GRIN2A: variants seen among roughly 807,000 people sequenced by gnomAD.
GRIN2A encodes glutamate ionotropic receptor NMDA type subunit 2A.
A neutral mutation model predicts 113.4 loss-of-function variants in GRIN2A; 22 were observed. The ratio of observed to expected loss-of-function variants is 0.19; its 90% CI spans 0.14 to 0.28. The LOEUF is 0.28. Ranked by LOEUF, GRIN2A falls within the 10% of genes least tolerant of loss-of-function variation. The probability of loss-of-function intolerance (pLI) is 1.00; values close to 1 mark genes in which losing one functional copy is unlikely to be tolerated. For synonymous variants in GRIN2A, 827 were observed against 738.4 expected, an observed-to-expected ratio of 1.12 and a Z score of -1.94; for missense variants, 1,502 against 1,887.0, an observed-to-expected ratio of 0.80 and a Z score of 3.78.
intron 2 of GRIN2A, among the ~76,000 whole-genome samples, chr16:10,016,720 A>T (rs1454383091): frequency 6.6e-6 from 1 of 152,190 alleles, no homozygotes; most frequent in South Asian, 2.1e-4. Flanking sequence ...GCTTCTCCAC[A>T]TTAGGGCAAA....
chr16:9,965,988 T>G (rs752592988), intron 2 of GRIN2A, among the ~76,000 whole-genome samples: 4 of 152,228 alleles, frequency 2.6e-5, no homozygotes, highest in Non-Finnish European at 5.9e-5. Flanking sequence ...ATCAAAATAA[T>G]CTTGGGATCT....
intron 2 of GRIN2A, among the ~76,000 whole-genome samples, chr16:10,130,111 G>C (rs774806340): frequency 1.3e-5 from 2 of 152,178 alleles, no homozygotes; most frequent in African/African-American, 2.4e-5. Context: ...TAGGTATGGG[G>C]ACATGCTAAA....
chr16:10,047,313 A>C (rs903736908), intron 2 of GRIN2A, among the ~76,000 whole-genome samples: 12 of 152,178 alleles, frequency 7.9e-5, no homozygotes, highest in African/African-American at 2.4e-4. Context: ...TCTCGATCTC[A>C]GTTTCTTCAT....
intron 11 of GRIN2A, among the ~76,000 whole-genome samples, chr16:9,776,252 T>C (rs1341961339): frequency 6.6e-6 from 1 of 151,340 alleles, no homozygotes; most frequent in East Asian, 2.0e-4. Flanking sequence ...TATGACGCCA[T>C]GGTTTCCTCT....
intron 9 of GRIN2A, among the ~76,000 whole-genome samples, chr16:9,825,229 C>T (rs1212081006): frequency 2.0e-5 from 3 of 152,170 alleles, no homozygotes; most frequent in Non-Finnish European, 2.9e-5. Context: ...ACCAGTTAAG[C>T]TCCTGAGCCT....
chr16:9,769,193 A>G (rs1217221123), intron 11 of GRIN2A, 104 bp from the exon 12 acceptor site: 6 of 880,306 alleles, frequency 6.8e-6, no homozygotes, highest in Non-Finnish European at 1.1e-5. Context: ...CAGCTATGTA[A>G]CCTTAAGACA....
intron 4 of GRIN2A, among the ~76,000 whole-genome samples, chr16:9,880,466 G>A (rs534315210): frequency 1.3e-5 from 2 of 152,338 alleles, no homozygotes; most frequent in Middle Eastern, 3.4e-3. Context: ...AAGGGGTCAT[G>A]TGATTGGGTG....
At chr16:9,978,462 T>TCTC (rs1447118175) in intron 2 of GRIN2A, among the ~76,000 whole-genome samples, 2 of 152,078 alleles carry the variant, frequency 1.3e-5, no homozygotes, top group Non-Finnish European at 2.9e-5. Flanking sequence ...CCTTAGTCCT[T>TCTC]CTCCTCCTCC....
chr16:9,795,073 G>C (rs1363723596), intron 11 of GRIN2A, among the ~76,000 whole-genome samples: 3 of 152,120 alleles, frequency 2.0e-5, no homozygotes, highest in African/African-American at 7.2e-5. Context: ...AATGATATCA[G>C]AGGCGTGTGA....
intron 2 of GRIN2A, among the ~76,000 whole-genome samples, chr16:10,110,285 G>A (rs1319606944): frequency 6.6e-6 from 1 of 152,238 alleles, no homozygotes; most frequent in Non-Finnish European, 1.5e-5. Context: ...CATTTAACGA[G>A]TTAGGGGAAC....
intron 1 of GRIN2A, among the ~76,000 whole-genome samples, chr16:10,181,296 G>T (rs1488023386): frequency 6.6e-6 from 1 of 152,210 alleles, no homozygotes; most frequent in Non-Finnish European, 1.5e-5. Flanking sequence ...GCGTCCCCCC[G>T]CGGGCCAGCG....
intron 11 of GRIN2A, among the ~76,000 whole-genome samples, chr16:9,795,397 G>A (rs1285997815): frequency 6.6e-6 from 1 of 152,176 alleles, no homozygotes; most frequent in East Asian, 1.9e-4. Context: ...AAAAAGGGAG[G>A]CATGAATAAT....
At chr16:9,976,806 C>T (rs2045782343) in intron 2 of GRIN2A, among the ~76,000 whole-genome samples, 1 of 152,206 alleles carries the variant, frequency 6.6e-6, no homozygotes, top group Non-Finnish European at 1.5e-5. Context: ...ATATATCCCT[C>T]CGAGGGAAGC....
At chr16:9,767,191 C>T (rs1900969162) in intron 12 of GRIN2A, among the ~76,000 whole-genome samples, 1 of 152,154 alleles carries the variant, frequency 6.6e-6, no homozygotes, top group South Asian at 2.1e-4. Context: ...GTTTAGATGC[C>T]ATCAAGCTAA....
At position 9,764,307 on chromosome 16, in the gene GRIN2A, G is replaced by T; in HGVS notation, c.3237C>A (p.Asn1079Lys). Residue 1079 changes from asparagine to lysine, a missense_variant, in exon 13 of 13, where the codon AAC becomes AAA. Around this residue, in one of 7 missense-constraint regions of GRIN2A, gnomAD observed 832 missense variants for 789.7 expected, o/e 1.05. Transcript: ENST00000330684. ...TTTTAAAGTTGTCCTTGGTTTTGTGGTTCTTACTGTTGTCAGGTTCCCTGT... is the reference window on the plus strand; with the variant it reads ...TTTTAAAGTTGTCCTTGGTTTTGTGTTTCTTACTGTTGTCAGGTTCCCTGT... Reference protein sequence around the residue: ...TCHREPDNSKNHKTKDNFKRS... With the variant: ...TCHREPDNSKKHKTKDNFKRS... The T allele has an allele frequency of 6.2e-7, 1 of 1,614,034 alleles. No individual in the cohort carries two copies. Among genetic ancestry groups the T allele is most frequent in the Non-Finnish European group, 8.5e-7 (1 of 1,180,006 alleles).
At chr16:10,096,033 C>A (rs543629296) in intron 2 of GRIN2A, among the ~76,000 whole-genome samples, 73 of 152,186 alleles carry the variant, frequency 4.8e-4, no homozygotes, top group African/African-American at 1.3e-3. Flanking sequence ...TGCACATGTA[C>A]CCCTGAAATA....
At chr16:9,949,263 T>C (rs1174910360) in intron 2 of GRIN2A, among the ~76,000 whole-genome samples, 1 of 152,174 alleles carries the variant, frequency 6.6e-6, no homozygotes, top group Non-Finnish European at 1.5e-5. Context: ...CATGGGGAGC[T>C]GAGAACACAT....
At chr16:10,135,699 G>T (rs1037420603) in intron 2 of GRIN2A, among the ~76,000 whole-genome samples, 3 of 152,142 alleles carry the variant, frequency 2.0e-5, no homozygotes, top group Admixed American at 1.3e-4. Flanking sequence ...CACAGGGCAG[G>T]CTGGAACTTC....
chr16:9,976,797 T>C (rs985252105), intron 2 of GRIN2A, among the ~76,000 whole-genome samples: 16 of 152,288 alleles, frequency 1.1e-4, no homozygotes, highest in Admixed American at 7.8e-4. Context: ...CACTTGTAGA[T>C]ATATCCCTCC....
Sources: gnomAD v4.1 joint callset for allele counts (sites outside exome capture counted in the v4.1 genomes callset) on GRCh38, gnomAD v4.1.1 for gene constraint, gnomAD v4.1.1 regional missense constraint, MANE v1.5 for transcripts, NCBI Gene and HGNC (gene_info 2026-07-23, HGNC 2026-07-21) for gene names.